RAB38: variants seen among roughly 807,000 people sequenced by gnomAD.
The protein encoded by RAB38 is RAB38, member RAS oncogene family, also known as ras-related protein Rab-38.
Under a neutral mutation model 18.4 loss-of-function variants are expected in RAB38, and 15 were observed. The observed-to-expected ratio is 0.82, with a 90% CI of 0.55 to 1.26. The LOEUF (loss-of-function observed/expected upper bound fraction) is 1.26, where lower values mean the gene tolerates loss of function less well. Ranked by LOEUF, RAB38 falls within the 50% of genes most tolerant of loss-of-function variation. RAB38 has a pLI of 0.00. For missense variants in RAB38, 294 were observed against 267.4 expected (o/e 1.10, Z -0.69); for synonymous variants, 101 against 104.4 (o/e 0.97, Z 0.20).
the RAB38 span, among the ~76,000 whole-genome samples, chr11:87,808,001 G>A: frequency 2.6e-5 from 4 of 152,204 alleles, no homozygotes; most frequent in African/African-American, 9.6e-5. Flanking sequence ...GAGAGGAACT[G>A]TGTGTTGCAG....
the RAB38 span, among the ~76,000 whole-genome samples, chr11:88,105,035 A>G: frequency 5.3e-5 from 8 of 151,888 alleles, no homozygotes; most frequent in Non-Finnish European, 1.2e-4. Context: ...AAATTTCCAG[A>G]CCTTACTTTA....
the RAB38 span, among the ~76,000 whole-genome samples, chr11:88,021,206 TAAGA>T: frequency 2.6e-5 from 4 of 152,122 alleles, no homozygotes; most frequent in Admixed American, 1.3e-4. Context: ...TTAGCCACAC[TAAGA>T]AAGAGAGAAG....
chr11:87,835,857 C>G, the RAB38 span, among the ~76,000 whole-genome samples: 1 of 152,140 alleles, frequency 6.6e-6, no homozygotes, highest in Non-Finnish European at 1.5e-5. Context: ...TATGACAGCT[C>G]CCAGCAAACT....
At chr11:87,911,010 G>A in the RAB38 span, among the ~76,000 whole-genome samples, 5 of 151,904 alleles carry the variant, frequency 3.3e-5, no homozygotes, top group Non-Finnish European at 5.9e-5. Context: ...GTGGATATCT[G>A]TTTCAGTATT....
the RAB38 span, among the ~76,000 whole-genome samples, chr11:87,967,977 G>A: frequency 2.0e-5 from 3 of 152,128 alleles, no homozygotes; most frequent in Non-Finnish European, 4.4e-5. Context: ...TTCTTATTCT[G>A]AGGTTATTTG....
chr11:87,820,990 T>C, the RAB38 span, among the ~76,000 whole-genome samples: 2 of 152,270 alleles, frequency 1.3e-5, no homozygotes, highest in Non-Finnish European at 2.9e-5. Flanking sequence ...CAAGGATACA[T>C]GGATGTTGGA....
the RAB38 span, among the ~76,000 whole-genome samples, chr11:88,015,165 T>C: frequency 6.6e-6 from 1 of 152,138 alleles, no homozygotes; most frequent in African/African-American, 2.4e-5. Flanking sequence ...GGCTAGATCA[T>C]GGGCTAGTAC....
At chr11:87,921,858 A>G in the RAB38 span, among the ~76,000 whole-genome samples, 1 of 151,864 alleles carries the variant, frequency 6.6e-6, no homozygotes, top group African/African-American at 2.4e-5. Context: ...GAAGCAGCAC[A>G]TTGGATAAAA....
chr11:87,807,524 C>A, the RAB38 span, among the ~76,000 whole-genome samples: 1 of 152,086 alleles, frequency 6.6e-6, no homozygotes, highest in East Asian at 1.9e-4. Flanking sequence ...CAGTCAGGGA[C>A]CATTCAAGAC....
At chr11:88,111,053 C>T (rs529261499), downstream of RAB38, among the ~76,000 whole-genome samples, 3 of 152,236 alleles carry the variant, frequency 2.0e-5, no homozygotes, top group Admixed American at 6.5e-5. Context: ...CTACATTCTC[C>T]AGTGTTATGG....
the RAB38 span, among the ~76,000 whole-genome samples, chr11:88,051,654 C>G: frequency 6.6e-6 from 1 of 152,050 alleles, no homozygotes; most frequent in Non-Finnish European, 1.5e-5. Flanking sequence ...TCAACAGATG[C>G]CAAGACTGAG....
At chr11:88,160,952 T>C (rs1943182961) in intron 1 of RAB38, among the ~76,000 whole-genome samples, 1 of 152,026 alleles carries the variant, frequency 6.6e-6, no homozygotes, top group Non-Finnish European at 1.5e-5. Flanking sequence ...GTCTATGTCA[T>C]AAACCTGCAT....
chr11:88,016,755 A>T, the RAB38 span, among the ~76,000 whole-genome samples: 1 of 152,128 alleles, frequency 6.6e-6, no homozygotes, highest in African/African-American at 2.4e-5. Flanking sequence ...AAACTCAGCA[A>T]AGAAAACACC....
the RAB38 span, among the ~76,000 whole-genome samples, chr11:88,028,110 C>G: frequency 0.072 from 10,972 of 152,166 alleles, 645 homozygotes; most frequent in African/African-American, 0.14. Context: ...CTGATACCCA[C>G]GCAAACAGGG....
chr11:87,897,529 T>C, the RAB38 span, among the ~76,000 whole-genome samples: 807 of 151,702 alleles, frequency 5.3e-3, 9 homozygotes, highest in African/African-American at 0.019. Context: ...CGTAGATTTG[T>C]TGTTGTTCTT....
At chr11:87,890,475 T>C in the RAB38 span, among the ~76,000 whole-genome samples, 1 of 151,860 alleles carries the variant, frequency 6.6e-6, no homozygotes, top group African/African-American at 2.4e-5. Context: ...CCATCTAAAA[T>C]TCATATCCGA....
chr11:87,815,698 A>T, the RAB38 span: 1 of 152,214 alleles, frequency 6.6e-6, no homozygotes. Flanking sequence ...AATATATGGG[A>T]TGGGTGATAG....
At chr11:87,971,946 A>G in the RAB38 span, among the ~76,000 whole-genome samples, 1 of 151,848 alleles carries the variant, frequency 6.6e-6, no homozygotes, top group Non-Finnish European at 1.5e-5. Context: ...AAAGCTATTT[A>G]AAAAGGAGGC....
At chr11:88,022,634 A>AAAAAAAAAAAAAAG in the RAB38 span, among the ~76,000 whole-genome samples, 2 of 150,526 alleles carry the variant, frequency 1.3e-5, no homozygotes, top group Non-Finnish European at 3.0e-5. Context: ...AAAAAAAAAC[A>AAAAAAAAAAAAAAG]ACTATTAGAA....
Sources: allele counts gnomAD v4.1 joint callset (sites outside exome capture counted in the v4.1 genomes callset), GRCh38; gene constraint gnomAD v4.1.1; transcripts MANE v1.5; gene names NCBI Gene and HGNC (gene_info 2026-07-23, HGNC 2026-07-21).